WWOX: variants seen among roughly 807,000 people sequenced by gnomAD.
WWOX encodes WW domain containing oxidoreductase, also known as WW domain-containing oxidoreductase.
A neutral mutation model predicts 46.2 loss-of-function variants in WWOX; 69 were observed. That is an observed-to-expected ratio of 1.49 (90% CI 1.23 to 1.82). The LOEUF (loss-of-function observed/expected upper bound fraction) is 1.82, where lower values mean the gene tolerates loss of function less well. Among genes scored for constraint, WWOX ranks in the 40% most tolerant of loss-of-function variants. The pLI is 0.00. For missense variants in WWOX, 919 were observed against 542.6 expected (o/e 1.69, Z -6.89); for synonymous variants, 359 against 202.6 (o/e 1.77, Z -6.56).
At chr16:78,730,830 G>A (rs1367192347) in intron 8 of WWOX, among the ~76,000 whole-genome samples, 3 of 152,046 alleles carry the variant, frequency 2.0e-5, no homozygotes, top group Admixed American at 1.3e-4. Flanking sequence ...TTGGAATGTG[G>A]AGAGTCATTT....
intron 8 of WWOX, among the ~76,000 whole-genome samples, chr16:78,810,534 A>G (rs2051161324): frequency 6.6e-6 from 1 of 152,252 alleles, no homozygotes. Flanking sequence ...TTAACAAAAT[A>G]AATTAATAGT....
chr16:78,945,832 T>G (rs1474378692), intron 8 of WWOX, among the ~76,000 whole-genome samples: 1 of 152,176 alleles, frequency 6.6e-6, no homozygotes, highest in Non-Finnish European at 1.5e-5. Flanking sequence ...GGGTTGAGCA[T>G]GGAGGGAACT....
At chr16:78,924,708 C>G (rs1264706072) in intron 8 of WWOX, among the ~76,000 whole-genome samples, 3 of 152,132 alleles carry the variant, frequency 2.0e-5, no homozygotes, top group African/African-American at 4.8e-5. Flanking sequence ...CCATTAATAC[C>G]TTGAATAAGT....
chr16:79,169,511 G>T (rs948189064), intron 8 of WWOX, among the ~76,000 whole-genome samples: 1 of 152,134 alleles, frequency 6.6e-6, no homozygotes, highest in African/African-American at 2.4e-5. Flanking sequence ...TTTCCTTTCA[G>T]CCACCTCCTG....
chr16:78,978,202 A>C (rs2046611165), intron 8 of WWOX, among the ~76,000 whole-genome samples: 1 of 152,196 alleles, frequency 6.6e-6, no homozygotes, highest in Non-Finnish European at 1.5e-5. Flanking sequence ...ATAGTATTCC[A>C]CTGTATATTG....
At chr16:78,868,143 G>A (rs1392579933) in intron 8 of WWOX, among the ~76,000 whole-genome samples, 1 of 152,124 alleles carries the variant, frequency 6.6e-6, no homozygotes, top group East Asian at 1.9e-4. Context: ...CCATTAGCTG[G>A]GGAATGGAGA....
intron 8 of WWOX, among the ~76,000 whole-genome samples, chr16:78,769,850 T>A (rs938164688): frequency 6.7e-6 from 1 of 149,630 alleles, no homozygotes; most frequent in African/African-American, 2.5e-5. Flanking sequence ...CTACAAAAAA[T>A]AAAAAATAAA....
At chr16:79,174,241 G>A (rs370112778) in intron 8 of WWOX, among the ~76,000 whole-genome samples, 15 of 152,330 alleles carry the variant, frequency 9.8e-5, no homozygotes, top group African/African-American at 2.4e-4. Context: ...CACCAATGCT[G>A]TACACTTTGT....
intron 6 of WWOX, among the ~76,000 whole-genome samples, chr16:78,395,687 T>C (rs996879796): frequency 2.0e-5 from 3 of 152,186 alleles, no homozygotes; most frequent in African/African-American, 7.2e-5. Context: ...ATTGTTACTG[T>C]AGTGATGTTC....
In WWOX at chr16:78,392,023, CTT is replaced by C. The variant is rs200653170; in HGVS notation, c.605+5078_605+5079del. ...TTTTTTTTTTTCCTTAAAAAAATTT[CTT>C]TTAATGCAACAGATTTAAGGGACCA... On this transcript the variant is annotated intron_variant, in intron 6 of 8. Transcript: ENST00000566780. Among the ~76,000 whole-genome samples the C allele has an allele frequency of 5.4e-3, 714 of 133,194 alleles. 8 individuals are homozygous for C. The highest frequency in any genetic ancestry group is 0.036 in the East Asian group (169 of 4,642). 87.4% of individuals were successfully genotyped at this position (133,194 alleles called of 152,430 possible). A position where few individuals can be genotyped will look rare whatever the true frequency, so the allele number is the denominator to read the frequency against.
At chr16:78,804,498 G>A (rs2050976613) in intron 8 of WWOX, among the ~76,000 whole-genome samples, 1 of 152,078 alleles carries the variant, frequency 6.6e-6, no homozygotes, top group Non-Finnish European at 1.5e-5. Context: ...GCAAACAAGC[G>A]CACATGCGAA....
intron 8 of WWOX, among the ~76,000 whole-genome samples, chr16:78,876,369 C>A (rs972671777): frequency 2.0e-5 from 3 of 151,822 alleles, no homozygotes; most frequent in Non-Finnish European, 4.4e-5. Flanking sequence ...TCTCTCCTTT[C>A]CTTTTGTGAA....
At chr16:78,847,700 A>T (rs551942505) in intron 8 of WWOX, among the ~76,000 whole-genome samples, 1 of 152,222 alleles carries the variant, frequency 6.6e-6, no homozygotes, top group East Asian at 1.9e-4. Flanking sequence ...TTCTTCTATA[A>T]GATGGAAATA....
intron 8 of WWOX, among the ~76,000 whole-genome samples, chr16:78,512,474 T>G (rs1363687295): frequency 6.6e-6 from 1 of 152,222 alleles, no homozygotes; most frequent in Non-Finnish European, 1.5e-5. Context: ...AAAACCCATT[T>G]TATCACTTTA....
intron 8 of WWOX, chr16:78,826,106 A>G (rs141987374): frequency 1.3e-4 from 41 of 316,460 alleles, no homozygotes; most frequent in African/African-American, 8.2e-4. Context: ...CTGTAATCCC[A>G]GCACTGTGGG....
chr16:78,630,281 C>T (rs576996655), intron 8 of WWOX, among the ~76,000 whole-genome samples: 23 of 152,232 alleles, frequency 1.5e-4, no homozygotes, highest in Admixed American at 7.8e-4. Flanking sequence ...AGCAGACTGT[C>T]GCAAGCTTGG....
rs1313607319 is a variant in WWOX at position 78,346,279 on chromosome 16, C to T, written c.517-40581C>T. ...CATTGTTTTAAAAATACCTAATTAC[C>T]TGCTGATAGACATTTGGGTTCTTCC... On this transcript the variant is annotated intron_variant, in intron 5 of 8. Coordinates refer to ENST00000566780, the MANE Select transcript of WWOX (RefSeq NM_016373.4). Among the ~76,000 whole-genome samples, 4 of 121,106 alleles carry T rather than the reference C, an allele frequency of 3.3e-5. 2 individuals are homozygous for T. Among genetic ancestry groups the T allele is most frequent in the African/African-American group, 1.1e-4 (4 of 35,802 alleles). 79.5% of individuals were successfully genotyped at this position (121,106 alleles called of 152,430 possible).
At chr16:78,865,795 A>T (rs965207630) in intron 8 of WWOX, among the ~76,000 whole-genome samples, 3 of 152,180 alleles carry the variant, frequency 2.0e-5, no homozygotes, top group Non-Finnish European at 4.4e-5. Flanking sequence ...CAGGAGAATC[A>T]CTTGAACTCG....
chr16:78,749,925 T>C (rs1567534644), intron 8 of WWOX, among the ~76,000 whole-genome samples: 1 of 152,112 alleles, frequency 6.6e-6, no homozygotes, highest in Non-Finnish European at 1.5e-5. Context: ...GGTCAGAGAG[T>C]AGACTTTTAA....
Sources: allele counts gnomAD v4.1 joint callset (sites outside exome capture counted in the v4.1 genomes callset), GRCh38; gene constraint gnomAD v4.1.1; transcripts MANE v1.5; gene names NCBI Gene and HGNC (gene_info 2026-07-23, HGNC 2026-07-21).